Variants in BMP2K observed in about 807,000 individuals in gnomAD.
BMP2K encodes BMP-2-inducible protein kinase.
BMP2K carries 74 observed loss-of-function variants against 116.0 expected under a neutral mutation model. The ratio of observed to expected loss-of-function variants is 0.64; its 90% CI spans 0.53 to 0.77. The LOEUF (loss-of-function observed/expected upper bound fraction) is 0.77. Among genes scored for constraint, BMP2K ranks in the 30% least tolerant of loss-of-function variants. The probability of loss-of-function intolerance (pLI) is 0.00; values close to 1 mark genes in which losing one functional copy is unlikely to be tolerated. For missense variants in BMP2K, 1,365 were observed against 1,403.6 expected, an observed-to-expected ratio of 0.97 and a Z score of 0.44; for synonymous variants, 486 against 502.5, an observed-to-expected ratio of 0.97 and a Z score of 0.44.
chr4:78,892,988 T>G (rs1176639863), intron 15 of BMP2K, among the ~76,000 whole-genome samples: 1 of 152,216 alleles, frequency 6.6e-6, no homozygotes, highest in African/African-American at 2.4e-5. Flanking sequence ...AGACAATGAT[T>G]AAGTTTGCAA....
chr4:78,834,263 AT>A (rs561686382), intron 3 of BMP2K, among the ~76,000 whole-genome samples: 258 of 141,726 alleles, frequency 1.8e-3, no homozygotes, highest in Middle Eastern at 7.5e-3. Flanking sequence ...TGACATTTAA[AT>A]TTTTTTTTTT....
At position 78,870,982 on chromosome 4, in the gene BMP2K, ACAGCAGCAGCAG is replaced by A. The variant is rs752405558; in HGVS notation, c.1449_1460del (p.Gln483_Gln486del). ...AGCAACAGCAGCAGCAGCAACAGCA[ACAGCAGCAGCAG>A]CAGCAGCAGCAGCAGCACCACCACC... On this transcript the variant is annotated inframe_deletion, in exon 11 of 16. Transcript: ENST00000502613. 46,413 of 1,596,862 alleles carry A rather than the reference ACAGCAGCAGCAG, an allele frequency of 0.029. 662 individuals are homozygous for A. The highest frequency in any genetic ancestry group is 0.033 in the Non-Finnish European group (38,801 of 1,170,090).
intron 2 of BMP2K, among the ~76,000 whole-genome samples, chr4:78,827,791 A>C (rs1272411193): frequency 6.6e-6 from 1 of 152,136 alleles, no homozygotes; most frequent in Non-Finnish European, 1.5e-5. Flanking sequence ...AAAACAAAAA[A>C]ACTGCATGCA....
intron 7 of BMP2K, chr4:78,859,025 T>G (rs955469300): frequency 6.6e-6 from 1 of 151,878 alleles, no homozygotes; most frequent in Admixed American, 6.6e-5. Flanking sequence ...GAGCATGATA[T>G]GGATAACATG....
chr4:78,855,316 G>A (rs1731452297), intron 7 of BMP2K, among the ~76,000 whole-genome samples: 1 of 152,110 alleles, frequency 6.6e-6, no homozygotes, highest in Non-Finnish European at 1.5e-5. Context: ...GGGAAATTAA[G>A]GGCAATAACT....
chr4:78,867,600 G>A (rs1331683262), intron 10 of BMP2K, among the ~76,000 whole-genome samples: 1 of 151,948 alleles, frequency 6.6e-6, no homozygotes, highest in Non-Finnish European at 1.5e-5. Context: ...CGTGAGTATT[G>A]TATTTTAAAA....
chr4:78,784,600 C>T (rs1727650606), intron 1 of BMP2K, among the ~76,000 whole-genome samples: 1 of 152,176 alleles, frequency 6.6e-6, no homozygotes, highest in Non-Finnish European at 1.5e-5. Flanking sequence ...AAGGCCTTTT[C>T]TACAGAGAGA....
rs115242607 is a variant in BMP2K, at chr4:78,830,565, A to G, written c.298-3017A>G. Reference sequence around the variant, plus strand: ...ATCCTAGATGGCATCTTCCTCCAATAGAAGGCTGTTTTGTCTATGTTGAAA... The same window carrying G: ...ATCCTAGATGGCATCTTCCTCCAATGGAAGGCTGTTTTGTCTATGTTGAAA... On this transcript the variant is annotated intron_variant, in intron 2 of 15. Transcript: ENST00000502613. Among the ~76,000 whole-genome samples, 681 of 152,316 alleles carry G rather than the reference A, an allele frequency of 4.5e-3. 2 individuals are homozygous for G. The highest frequency in any genetic ancestry group is 0.015 in the African/African-American group (644 of 41,568).
chr4:78,876,368 T>A (rs1385895281), intron 13 of BMP2K, among the ~76,000 whole-genome samples: 1 of 152,140 alleles, frequency 6.6e-6, no homozygotes, highest in African/African-American at 2.4e-5. Flanking sequence ...GCATCCAGAA[T>A]GGACTTTAAA....
At position 78,847,253 on chromosome 4, in the gene BMP2K, C is replaced by T; in HGVS notation, c.734C>T (p.Thr245Ile). The T allele has an allele frequency of 6.3e-7, 1 of 1,593,276 alleles. No homozygotes were observed. Residue 245 changes from threonine (T) to isoleucine (I), a missense_variant, in exon 6 of 16, where the codon ACC becomes ATC. Around this residue, in one of 3 missense-constraint regions of BMP2K, gnomAD observed 762 missense variants for 756.7 expected, o/e 1.01. Transcript: ENST00000502613. ...INLYGGKPITTKADIWALGCL... is the reference protein window; with the variant it reads ...INLYGGKPITIKADIWALGCL... ...CTTTATGGAGGGAAACCCATCACCACCAAGGCTGATATCTGGGTAAGGCCA... is the reference window on the plus strand; with the variant it reads ...CTTTATGGAGGGAAACCCATCACCATCAAGGCTGATATCTGGGTAAGGCCA...
intron 14 of BMP2K, among the ~76,000 whole-genome samples, chr4:78,882,161 T>C (rs17003479): frequency 0.17 from 26,148 of 151,870 alleles, 4,596 homozygotes; most frequent in African/African-American, 0.45. Flanking sequence ...GAATATTTTA[T>C]GTGTATTATC....
chr4:78,839,494 G>GT (rs1353646867), intron 3 of BMP2K, among the ~76,000 whole-genome samples: 1 of 152,152 alleles, frequency 6.6e-6, no homozygotes, highest in Non-Finnish European at 1.5e-5. Context: ...ACATGACAAA[G>GT]TGCATGTAAA....
rs1405052194 is a variant in BMP2K, at chr4:78,911,239, T to C, written c.2692T>C (p.Phe898Leu). The C allele has an allele frequency of 6.2e-7, 1 of 1,613,970 alleles. No individual in the cohort carries two copies. Among genetic ancestry groups the C allele is most frequent in the Non-Finnish European group, 8.5e-7 (1 of 1,179,884 alleles). Residue 898 changes from phenylalanine (F) to leucine (L), a missense_variant, in exon 16 of 16, where the codon TTC (phenylalanine) becomes CTC (leucine). By Grantham distance (22) the Phe-to-Leu change is conservative (BLOSUM62 0). Around this residue, in one of 3 missense-constraint regions of BMP2K, gnomAD observed 596 missense variants for 623.2 expected, o/e 0.96. Transcript: ENST00000502613. ...AGLEQEEFDV[F>L]TKAPFSKKVN... ...ACTGGAGCAGGAGGAATTTGATGTA[T>C]TCACAAAGGCGCCTTTTAGCAAGAA... is the stretch of plus-strand genomic sequence containing the variant.
chr4:78,825,015 C>T (rs1177085911), intron 1 of BMP2K, among the ~76,000 whole-genome samples: 2 of 152,062 alleles, frequency 1.3e-5, no homozygotes, highest in East Asian at 3.9e-4. Context: ...GCAGCCTGGC[C>T]AACATAGTGA....
intron 15 of BMP2K, among the ~76,000 whole-genome samples, chr4:78,909,056 T>TAA (rs1491399749): frequency 1.3e-5 from 1 of 78,026 alleles, no homozygotes; most frequent in African/African-American, 8.7e-5. Context: ...TCCCTTAGTC[T>TAA]TTTTTTTTTT....
chr4:78,845,105 C>T, intron 5 of BMP2K, 56 bp downstream of exon 5: 8 of 1,431,536 alleles, frequency 5.6e-6, no homozygotes, highest in African/African-American at 2.9e-5. Context: ...TAACTTGAGT[C>T]TCTGGCCAGC....
At chr4:78,878,990 T>C in intron 14 of BMP2K, 99 bp downstream of exon 14, 1 of 1,518,596 alleles carries the variant, frequency 6.6e-7, no homozygotes, top group Non-Finnish European at 8.8e-7. Flanking sequence ...TATGGAAAAT[T>C]CTTTTTGTGC....
chr4:78,821,990 A>T (rs1476748012), intron 1 of BMP2K, among the ~76,000 whole-genome samples: 1 of 152,240 alleles, frequency 6.6e-6, no homozygotes, highest in African/African-American at 2.4e-5. Flanking sequence ...TTACAAGAAG[A>T]AGTTAGTCTG....
At chr4:78,809,249 T>C (rs1195766033) in intron 1 of BMP2K, among the ~76,000 whole-genome samples, 2 of 152,252 alleles carry the variant, frequency 1.3e-5, no homozygotes, top group African/African-American at 4.8e-5. Context: ...GAAAGTCTAA[T>C]TTGTCTGATA....
Sources: gnomAD v4.1 joint callset for allele counts (sites outside exome capture counted in the v4.1 genomes callset) on GRCh38, gnomAD v4.1.1 for gene constraint, gnomAD v4.1.1 regional missense constraint, MANE v1.5 for transcripts, NCBI Gene and HGNC (gene_info 2026-07-23, HGNC 2026-07-21) for gene names.